TBX19: variants seen among roughly 807,000 people sequenced by gnomAD.
TBX19 encodes T-box transcription factor TBX19.
Under a neutral mutation model 40.9 loss-of-function variants are expected in TBX19, and 33 were observed. The ratio of observed to expected loss-of-function variants is 0.81; its 90% CI spans 0.61 to 1.08. TBX19 has a LOEUF of 1.08. Ranked by LOEUF, TBX19 falls within the 50% of genes least tolerant of loss-of-function variation. The pLI, the probability that TBX19 is intolerant of heterozygous loss-of-function variation, is 0.00. For missense variants in TBX19, 494 were observed against 574.0 expected (o/e 0.86, Z 1.42); for synonymous variants, 220 against 225.0 (o/e 0.98, Z 0.20).
chr1:168,305,206 T>C lies in TBX19; in HGVS notation c.916+10T>C, dbSNP rs1046911268. On this transcript the variant is annotated intron_variant, in intron 6 of 7. Coordinates refer to ENST00000367821, the MANE Select transcript of TBX19 (RefSeq NM_005149.3). ...AACCATTCTCCCTCAGGTCTGTGAC[T>C]CTGCTGATTAAACCCTTGGGGTATG... The C allele has an allele frequency of 6.2e-7, 1 of 1,608,622 alleles. No individual in the cohort carries two copies. Among genetic ancestry groups the C allele is most frequent in the African/African-American group, 1.3e-5 (1 of 74,884 alleles).
chr1:168,291,139 A>AGTTTC (rs140045735), intron 1 of TBX19, 21 bp from the exon 2 acceptor site: 55,051 of 1,613,638 alleles, frequency 0.034, 1,240 homozygotes, highest in East Asian at 0.085. Flanking sequence ...CCTGTGGCTA[A>AGTTTC]GTTTCTGCCT....
At chr1:168,300,685 T>TA (rs1649256253) in intron 5 of TBX19, among the ~76,000 whole-genome samples, 1 of 152,144 alleles carries the variant, frequency 6.6e-6, no homozygotes, top group Non-Finnish European at 1.5e-5. Context: ...TTAAGAGACT[T>TA]AAAAAAGTCT....
chr1:168,300,525 A>G (rs773045628), intron 5 of TBX19, 42 bp downstream of exon 5: 5 of 1,582,858 alleles, frequency 3.2e-6, no homozygotes, highest in Non-Finnish European at 8.7e-7. Context: ...GTGGGGCTGT[A>G]CCTGGAGCCA....
intron 5 of TBX19, among the ~76,000 whole-genome samples, chr1:168,303,940 T>G (rs1649342223): frequency 6.6e-6 from 1 of 152,172 alleles, no homozygotes; most frequent in Non-Finnish European, 1.5e-5. Flanking sequence ...TTGGTGGGTT[T>G]TGGCCGGCTT....
chr1:168,297,961 C>G (rs1649155185), intron 4 of TBX19, among the ~76,000 whole-genome samples, 176 bp downstream of exon 4: 1 of 152,070 alleles, frequency 6.6e-6, no homozygotes, highest in Middle Eastern at 3.2e-3. Flanking sequence ...CTTTGGGAGG[C>G]CGAGGCGGGC....
chr1:168,293,626 T>C (rs1339581814), intron 3 of TBX19, among the ~76,000 whole-genome samples: 3 of 152,146 alleles, frequency 2.0e-5, no homozygotes, highest in Admixed American at 6.5e-5. Flanking sequence ...GTGGGTACAA[T>C]TGGGCAGGAG....
At position 168,301,719 on chromosome 1, in the gene TBX19, G is replaced by A. The variant is rs544815725; in HGVS notation, c.727+1236G>A. On this transcript the variant is annotated intron_variant, in intron 5 of 7. Coordinates refer to ENST00000367821, the MANE Select transcript of TBX19 (RefSeq NM_005149.3). Reference sequence around the variant, plus strand: ...ATACTTGGGTTAGCAGCAGTTACAAGTGGATTTTTAAAGGGAAAAATAAGA... The same window carrying A: ...ATACTTGGGTTAGCAGCAGTTACAAATGGATTTTTAAAGGGAAAAATAAGA... Among the ~76,000 whole-genome samples the A allele has an allele frequency of 9.2e-5, 14 of 152,344 alleles. 1 individual carries two copies. In the South Asian group the frequency reaches 2.9e-3, roughly 32 times the overall value.
chr1:168,284,679 G>A (rs9427169), intron 1 of TBX19, among the ~76,000 whole-genome samples: 96,148 of 149,736 alleles, frequency 0.64, 31,023 homozygotes, highest in Non-Finnish European at 0.68. Context: ...GGGAGGCTGA[G>A]GTGGGAGATC....
In TBX19 at chr1:168,290,673, C is replaced by T. The variant is rs190162387; in HGVS notation, c.204-487C>T. Among the ~76,000 whole-genome samples, 12 of 152,314 alleles carry T rather than the reference C, an allele frequency of 7.9e-5. 1 individual carries two copies. The highest frequency in any genetic ancestry group is 7.8e-4 in the Admixed American group (12 of 15,306). The stretch of plus-strand genomic sequence containing the variant: ...TCAAGCAATCCTCCCACCTCAGCCT[C>T]CCGAATAACTGGGATTACCATGCCC... On this transcript the variant is annotated intron_variant, in intron 1 of 7. Coordinates refer to ENST00000367821, the MANE Select transcript of TBX19 (RefSeq NM_005149.3).
intron 6 of TBX19, 174 bp from the exon 7 acceptor site, chr1:168,308,567 AC>A (rs1649457609): frequency 2.7e-6 from 2 of 737,538 alleles, no homozygotes; most frequent in South Asian, 3.5e-5. Flanking sequence ...CATATGGTTG[AC>A]ATTGAGGAAA....
chr1:168,308,840 G>A lies in TBX19; in HGVS notation c.1015G>A (p.Val339Ile). 6.2e-7 allele frequency: 1 copy of A among 1,614,102 alleles called. No individual in the cohort carries two copies. Among genetic ancestry groups the A allele is most frequent in the Non-Finnish European group, 8.5e-7 (1 of 1,180,024 alleles). Residue 339 changes from valine (V) to isoleucine (I), a missense_variant, in exon 7 of 8, where the codon GTA becomes ATA. Physicochemically the swap from Val to Ile is conservative, Grantham distance 29. Transcript: ENST00000367821. ...SSTPHASILS[V>I]PHTNGPINPG... ...CACACCCCATGCCAGCATCCTGTCT[G>A]TACCCCACACCAACGGACCAATCAA...
intron 2 of TBX19, among the ~76,000 whole-genome samples, chr1:168,291,913 C>A (rs1055867881): frequency 6.6e-6 from 1 of 152,074 alleles, no homozygotes; most frequent in African/African-American, 2.4e-5. Flanking sequence ...AAAAAAAAAT[C>A]CAAACAAACC....
chr1:168,313,109 T>A lies in TBX19; in HGVS notation c.*107T>A. The A allele has an allele frequency of 1.5e-6, 2 of 1,377,944 alleles. No homozygotes were observed. Among genetic ancestry groups the A allele is most frequent in the Non-Finnish European group, 2.0e-6 (2 of 979,968 alleles). The allele number at this position is 1,377,944 out of a possible 1,614,324, so 85.4% of individuals were successfully genotyped here. The stretch of plus-strand genomic sequence containing the variant: ...CAGACTGTGGAATCTCCCTTCCCAC[T>A]AGCTGGAGGTGGAGGTGGGTTATTA... On this transcript the variant is annotated 3_prime_UTR_variant, in exon 8 of 8. Coordinates refer to ENST00000367821, the MANE Select transcript of TBX19 (RefSeq NM_005149.3).
chr1:168,290,408 A>G (rs770943819), intron 1 of TBX19, among the ~76,000 whole-genome samples: 1 of 152,256 alleles, frequency 6.6e-6, no homozygotes, highest in East Asian at 1.9e-4. Flanking sequence ...ACATACATTT[A>G]GGGTGTGCAC....
Position 168,291,041 on chromosome 1 carries a change from G to C in TBX19, c.204-119G>C, listed in dbSNP as rs1028126030. On this transcript the variant is annotated intron_variant, in intron 1 of 7. Transcript: ENST00000367821. ...AATTGGGGTTGTGGACTTGGGCCCTGTTTATTTGGCCTCCTCACAGGGCAT... is the reference window on the plus strand; with the variant it reads ...AATTGGGGTTGTGGACTTGGGCCCTCTTTATTTGGCCTCCTCACAGGGCAT... 8.8e-6 allele frequency: 12 copies of C among 1,363,160 alleles called. No homozygotes were observed. In the Admixed American group the frequency reaches 2.0e-4, roughly 23 times the overall value. 84.4% of individuals were successfully genotyped at this position (1,363,160 alleles called of 1,614,324 possible).
In TBX19 at chr1:168,313,146, C is replaced by A; in HGVS notation, c.*144C>A. 1.0e-6 allele frequency: 1 copy of A among 995,904 alleles called. No individual in the cohort carries two copies. Among genetic ancestry groups the A allele is most frequent in the Non-Finnish European group, 1.5e-6 (1 of 658,184 alleles). The allele number at this position is 995,904 out of a possible 1,614,324, so 61.7% of individuals were successfully genotyped here. On this transcript the variant is annotated 3_prime_UTR_variant, in exon 8 of 8. Transcript: ENST00000367821. The stretch of plus-strand genomic sequence containing the variant: ...GAGGTGGGTTATTACAGAAGTCATA[C>A]TGGGAGAGGGTTCAGTTTGGATGAT...
At chr1:168,301,348 C>T (rs1157630432) in intron 5 of TBX19, among the ~76,000 whole-genome samples, 4 of 152,170 alleles carry the variant, frequency 2.6e-5, no homozygotes, top group Non-Finnish European at 5.9e-5. Context: ...CTGCAACCTC[C>T]GCCTCCCGGG....
rs141612171 is a variant in TBX19 at position 168,300,449 on chromosome 1, T to C, written c.693T>C (p.Ala231=). The C allele has an allele frequency of 5.0e-6, 8 of 1,614,060 alleles. No homozygotes were observed. In the African/African-American group the frequency reaches 9.3e-5, roughly 19 times the overall value. Residue 231 remains alanine (A), a synonymous_variant, in exon 5 of 8, where the codon GCT becomes GCC. Transcript: ENST00000367821. ...ERNHLRDVPE[A]ISESQHVTYS... is the part of the protein sequence containing the mutation. ...ATCACCTAAGAGACGTACCGGAGGC[T>C]ATCTCTGAGAGCCAGCATGTGACCT... is the stretch of plus-strand genomic sequence containing the variant.
intron 4 of TBX19, among the ~76,000 whole-genome samples, chr1:168,298,881 TTCTTTCTTTCTTTCTTTCTC>T (rs1316435753): frequency 2.7e-4 from 33 of 123,748 alleles, no homozygotes; most frequent in South Asian, 1.4e-3. Flanking sequence ...CTTTCTTTCT[TTCTTTCTTTCTTTCTTTCTC>T]TCTCTCTCTC....
Sources: allele counts gnomAD v4.1 joint callset (sites outside exome capture counted in the v4.1 genomes callset), GRCh38; gene constraint gnomAD v4.1.1; transcripts MANE v1.5; gene names NCBI Gene and HGNC (gene_info 2026-07-23, HGNC 2026-07-21).